The following PIK3CA variants were observed in gnomAD, a reference collection of about 807,000 sequenced individuals.
The protein encoded by PIK3CA is phosphatidylinositol 4,5-bisphosphate 3-kinase catalytic subunit alpha isoform.
PIK3CA carries 27 observed loss-of-function variants against 138.2 expected under a neutral mutation model. The observed-to-expected ratio is 0.20, with a 90% CI of 0.14 to 0.27. The LOEUF is 0.27. Among genes scored for constraint, PIK3CA ranks in the 10% least tolerant of loss-of-function variants. PIK3CA has a pLI of 1.00. For missense variants in PIK3CA, 544 were observed against 1,277.4 expected (o/e 0.43, Z 8.75); for synonymous variants, 358 against 413.2 (o/e 0.87, Z 1.62).
Position 179,206,795 on chromosome 3 carries a change from A to G in PIK3CA, c.1145+2207A>G, listed in dbSNP as rs532515350. Among the ~76,000 whole-genome samples, 4 of 151,996 alleles carry G rather than the reference A, an allele frequency of 2.6e-5. No homozygotes were observed. The South Asian group carries it at 6.2e-4, about 24-fold the overall frequency. On this transcript the variant is annotated intron_variant, in intron 6 of 20. Coordinates refer to ENST00000263967, the MANE Select transcript of PIK3CA (RefSeq NM_006218.4). ...GCCTGGGATGGTGGTGTGTGTACCT[A>G]TAGTCCCAGCTACTCAGGAGGGTGA...
intron 7 of PIK3CA, 46 bp downstream of exon 7, chr3:179,209,746 CTGA>C (rs748694948): frequency 1.9e-6 from 2 of 1,029,156 alleles, no homozygotes; most frequent in East Asian, 5.0e-5. Context: ...TTAAAAACTC[CTGA>C]TTATACCGCT....
intron 9 of PIK3CA, among the ~76,000 whole-genome samples, chr3:179,213,232 C>G (rs1724760440): frequency 6.6e-6 from 1 of 152,198 alleles, no homozygotes; most frequent in African/African-American, 2.4e-5. Context: ...TTCTAGACCA[C>G]TGTACTAAAG....
chr3:179,193,206 C>A (rs548934945), intron 1 of PIK3CA, among the ~76,000 whole-genome samples: 1 of 152,126 alleles, frequency 6.6e-6, no homozygotes, highest in Non-Finnish European at 1.5e-5. Flanking sequence ...TAACTTTTAA[C>A]AGTAATTTTA....
At chr3:179,159,228 A>G (rs905257092) in intron 1 of PIK3CA, among the ~76,000 whole-genome samples, 3 of 152,078 alleles carry the variant, frequency 2.0e-5, no homozygotes, top group African/African-American at 7.2e-5. Flanking sequence ...TGTCTCTTTT[A>G]GGGGGTGATA....
intron 1 of PIK3CA, among the ~76,000 whole-genome samples, chr3:179,151,488 G>T (rs1185114938): frequency 6.6e-6 from 1 of 152,140 alleles, no homozygotes; most frequent in Non-Finnish European, 1.5e-5. Context: ...CTACACATTA[G>T]AATAATCTAG....
In PIK3CA at chr3:179,156,231, T is replaced by G. The variant is rs182607202; in HGVS notation, c.-77+7628T>G. On this transcript the variant is annotated intron_variant, in intron 1 of 20. Transcript: ENST00000263967. Reference sequence around the variant, plus strand: ...AATGGAGTGGAAGGATTTTCCCCCCTTTTTTGAAACCGTTAGTGACTTTGG... The same window carrying G: ...AATGGAGTGGAAGGATTTTCCCCCCGTTTTTGAAACCGTTAGTGACTTTGG... Among the ~76,000 whole-genome samples the G allele has an allele frequency of 8.5e-5, 13 of 152,324 alleles. No homozygotes were observed. In the East Asian group the frequency reaches 1.9e-3, roughly 23 times the overall value.
Position 179,198,736 on chromosome 3 carries a change from C to T in PIK3CA, c.-76-14C>T. The T allele has an allele frequency of 1.2e-5, 8 of 644,162 alleles. No individual in the cohort carries two copies. The highest frequency in any genetic ancestry group is 2.7e-5 in the South Asian group (1 of 37,430). The allele number at this position is 644,162 out of a possible 1,614,324, so 39.9% of individuals were successfully genotyped here. A position where few individuals can be genotyped will look rare whatever the true frequency, so the allele number is the denominator to read the frequency against. ...TGTGTCTCTTTTAACATATGTTTTC[C>T]TTCTTTGATTTAGGTTTCTGCTTTG... is the stretch of plus-strand genomic sequence containing the variant. On this transcript the variant is annotated splice_polypyrimidine_tract_variant and intron_variant, in intron 1 of 20. Transcript: ENST00000263967.
rs2108425851 is a variant in PIK3CA, at chr3:179,230,629, C to T, written c.2936+253C>T. ...AAGTAGCCAGGCGTGGTGGCATGCA[C>T]TGTAGTCCCAGCTACTCAGGAGGCT... On this transcript the variant is annotated intron_variant, in intron 20 of 20. Coordinates refer to ENST00000263967, the MANE Select transcript of PIK3CA (RefSeq NM_006218.4). This position sits in a 1 kb window ranked among gnomAD's most constrained non-coding sequence, Gnocchi z 5.4. 6.6e-6 allele frequency among the ~76,000 whole-genome samples: 1 copy of T among 152,150 alleles called. No homozygotes were observed. Among genetic ancestry groups the T allele is most frequent in the East Asian group, 1.9e-4 (1 of 5,180 alleles).
chr3:179,199,643 C>A (rs2108386945), intron 2 of PIK3CA, 47 bp from the exon 3 acceptor site: 1 of 1,290,058 alleles, frequency 7.8e-7, no homozygotes, highest in Non-Finnish European at 1.1e-6. Flanking sequence ...CATGTTCATG[C>A]TGTGTATGTA....
chr3:179,216,624 C>T (rs1724842240), intron 9 of PIK3CA, among the ~76,000 whole-genome samples: 1 of 151,862 alleles, frequency 6.6e-6, no homozygotes, highest in African/African-American at 2.4e-5. Context: ...AGTTATGAGC[C>T]GTCAGAATTT....
At chr3:179,200,802 G>T (rs781473775) in intron 3 of PIK3CA, among the ~76,000 whole-genome samples, 1 of 152,042 alleles carries the variant, frequency 6.6e-6, no homozygotes, top group African/African-American at 2.4e-5. Context: ...CTTAAAAGGA[G>T]AAAATTAGAC....
At chr3:179,148,313 T>G (rs1458753580), upstream of PIK3CA, 2 of 144,378 alleles carry the variant, frequency 1.4e-5, no homozygotes, top group South Asian at 2.3e-4. Flanking sequence ...CGGGGGCGTG[T>G]GGCGGGGGCT....
In PIK3CA at chr3:179,198,794, T is replaced by C; in HGVS notation, c.-32T>C. ...CATACATCTAATTCCTTAAAGTAGT[T>C]TTATATGTAAAACTTGCAAAGAATC... On this transcript the variant is annotated 5_prime_UTR_variant, in exon 2 of 21. Transcript: ENST00000263967. 7.8e-7 allele frequency: 1 copy of C among 1,286,996 alleles called. No individual in the cohort carries two copies. Among genetic ancestry groups the C allele is most frequent in the Non-Finnish European group, 1.1e-6 (1 of 937,804 alleles). 79.7% of individuals were successfully genotyped at this position (1,286,996 alleles called of 1,614,324 possible).
chr3:179,157,816 C>T (rs916741783), intron 1 of PIK3CA, among the ~76,000 whole-genome samples: 5 of 152,124 alleles, frequency 3.3e-5, no homozygotes, highest in South Asian at 2.1e-4. Context: ...GTCAGACTAT[C>T]GAGATTACTA....
intron 4 of PIK3CA, among the ~76,000 whole-genome samples, chr3:179,202,705 C>G (rs963296698): frequency 9.9e-5 from 15 of 152,078 alleles, no homozygotes; most frequent in Non-Finnish European, 1.5e-4. Context: ...TATATTTTAA[C>G]ATTTTTTGTA....
chr3:179,217,541 C>T (rs973660174), intron 9 of PIK3CA, among the ~76,000 whole-genome samples: 2 of 151,932 alleles, frequency 1.3e-5, no homozygotes, highest in African/African-American at 4.8e-5. Context: ...TATATGTAAC[C>T]CATCCTAAGG....
intron 1 of PIK3CA, among the ~76,000 whole-genome samples, chr3:179,198,115 C>G (rs1724314181): frequency 6.6e-6 from 1 of 152,052 alleles, no homozygotes; most frequent in African/African-American, 2.4e-5. Context: ...TGACTATATA[C>G]CTAAATCATA....
intron 1 of PIK3CA, among the ~76,000 whole-genome samples, chr3:179,159,276 G>A (rs1420223283): frequency 6.6e-6 from 1 of 152,088 alleles, no homozygotes; most frequent in Non-Finnish European, 1.5e-5. Context: ...GGATTGCCCT[G>A]GGGCTGACCA....
rs140331756 is a variant in PIK3CA at position 179,172,689 on chromosome 3, A to G, written c.-77+24086A>G. 1.8e-3 allele frequency among the ~76,000 whole-genome samples: 267 copies of G among 152,314 alleles called. 2 individuals are homozygous for G. Among genetic ancestry groups the G allele is most frequent in the Non-Finnish European group, 2.3e-3 (158 of 68,006 alleles). On this transcript the variant is annotated intron_variant, in intron 1 of 20. Transcript: ENST00000263967. ...TACACAAACCTGTACACTGAACACT[A>G]CAAAATATTGTTGATGGAAGTTAAA...
Sources: allele counts gnomAD v4.1 joint callset (sites outside exome capture counted in the v4.1 genomes callset), GRCh38; gene constraint gnomAD v4.1.1; non-coding constraint Gnocchi (gnomAD v3.1); transcripts MANE v1.5; gene names NCBI Gene and HGNC (gene_info 2026-07-23, HGNC 2026-07-21).